The following AKAP13 variants were observed in gnomAD, a reference collection of about 807,000 sequenced individuals.
AKAP13 encodes the protein A-kinase anchor protein 13.
In AKAP13, 80 loss-of-function variants were observed where a neutral mutation model predicts 264.5. The observed-to-expected ratio is 0.30, with a 90% CI of 0.25 to 0.36. AKAP13 has a LOEUF of 0.36. AKAP13 is among the 10% of genes least tolerant of loss of function. The pLI is 1.00. For missense variants in AKAP13, 3,712 were observed against 3,435.2 expected (o/e 1.08, Z -2.01); for synonymous variants, 1,380 against 1,250.2 (o/e 1.10, Z -2.19).
intron 1 of AKAP13, among the ~76,000 whole-genome samples, chr15:85,444,253 T>C (rs552439539): frequency 6.6e-6 from 1 of 152,284 alleles, no homozygotes; most frequent in South Asian, 2.1e-4. Flanking sequence ...GGTTCAACAT[T>C]TAGAACTCAG....
intron 8 of AKAP13, among the ~76,000 whole-genome samples, chr15:85,628,407 A>G (rs919948910): frequency 5.9e-5 from 9 of 152,224 alleles, no homozygotes; most frequent in Admixed American, 1.3e-4. Context: ...GCCTTCTGCT[A>G]GATTTCCCAA....
At chr15:85,628,958 C>T (rs1469951227) in intron 8 of AKAP13, among the ~76,000 whole-genome samples, 2 of 151,956 alleles carry the variant, frequency 1.3e-5, no homozygotes, top group Non-Finnish European at 2.9e-5. Context: ...TTTGGGAAGC[C>T]GAGGTGGGAG....
chr15:85,651,351 G>C (rs934728533), intron 10 of AKAP13, among the ~76,000 whole-genome samples: 1 of 152,040 alleles, frequency 6.6e-6, no homozygotes, highest in Non-Finnish European at 1.5e-5. Flanking sequence ...CCATCCTTCT[G>C]TCCACCCAGT....
chr15:85,587,259 T>A (rs2079399783), intron 8 of AKAP13, among the ~76,000 whole-genome samples: 1 of 152,240 alleles, frequency 6.6e-6, no homozygotes, highest in Non-Finnish European at 1.5e-5. Flanking sequence ...CTGTAGATAG[T>A]ACGTAAACTG....
rs749598492 is a variant in AKAP13, at chr15:85,669,814, C to T, written c.5085C>T (p.Ser1695=). Residue 1695 remains serine, a synonymous_variant, in exon 14 of 37, where the codon AGC becomes AGT. Coordinates refer to ENST00000394518, the MANE Select transcript of AKAP13 (RefSeq NM_007200.5). ...LTKSISLMTI[S]HPGLDNSRPF... is the part of the protein sequence containing the mutation. ...AATCCATCTCATTAATGACAATCAG[C>T]CATCCTGGATTGGACAGTGAGTATA... is the stretch of plus-strand genomic sequence containing the variant. The T allele has an allele frequency of 6.2e-7, 1 of 1,608,668 alleles. No individual in the cohort carries two copies. The highest frequency in any genetic ancestry group is 2.2e-5 in the East Asian group (1 of 44,818).
intron 16 of AKAP13, among the ~76,000 whole-genome samples, chr15:85,691,402 G>A (rs1204936812): frequency 6.6e-6 from 1 of 152,148 alleles, no homozygotes; most frequent in Non-Finnish European, 1.5e-5. Context: ...CACCTGAAAT[G>A]TCCCTGACTG....
intron 2 of AKAP13, among the ~76,000 whole-genome samples, chr15:85,501,096 C>A (rs2076026456): frequency 6.6e-6 from 1 of 152,174 alleles, no homozygotes; most frequent in African/African-American, 2.4e-5. Context: ...TGATCTTCAC[C>A]TACCATCACT....
At position 85,718,143 on chromosome 15, in the gene AKAP13, G is replaced by A. The variant is rs142342643; in HGVS notation, c.5985G>A (p.Arg1995=). 2.3e-4 allele frequency: 374 copies of A among 1,614,068 alleles called. 2 individuals carry two copies. In the African/African-American group the frequency reaches 4.1e-3, roughly 18 times the overall value. The change falls in exon 22 of 37, where the codon CGG becomes CGA. Residue 1995 remains arginine, a synonymous_variant. Coordinates refer to ENST00000394518, the MANE Select transcript of AKAP13 (RefSeq NM_007200.5). This position sits in a 1 kb window ranked among gnomAD's most constrained non-coding sequence, Gnocchi z 4.9. ...LKQQKKDVVK[R]QEVIYELMQT... ...AGCAAAAGAAAGATGTGGTCAAACG[G>A]CAAGAAGTAATATATGGTGAGAGTC...
chr15:85,424,586 T>C (rs1366517873), intron 1 of AKAP13, among the ~76,000 whole-genome samples: 1 of 152,232 alleles, frequency 6.6e-6, no homozygotes, highest in Non-Finnish European at 1.5e-5. Flanking sequence ...AATTTGTTAA[T>C]AGTAATAAGG....
intron 8 of AKAP13, among the ~76,000 whole-genome samples, chr15:85,597,658 T>C (rs2079877739): frequency 1.3e-5 from 2 of 152,186 alleles, no homozygotes; most frequent in African/African-American, 4.8e-5. Context: ...ATACAGATAC[T>C]TGGAGGCTTG....
At chr15:85,402,823 G>A (rs1211255214) in intron 1 of AKAP13, among the ~76,000 whole-genome samples, 1 of 152,196 alleles carries the variant, frequency 6.6e-6, no homozygotes, top group Non-Finnish European at 1.5e-5. Context: ...AGCCAGAAGT[G>A]CAAGAGCTGG....
At chr15:85,402,454 G>A (rs906705759) in intron 1 of AKAP13, among the ~76,000 whole-genome samples, 1 of 152,150 alleles carries the variant, frequency 6.6e-6, no homozygotes, top group Non-Finnish European at 1.5e-5. Context: ...AATTTTACTG[G>A]CTGAATCATG....
intron 8 of AKAP13, among the ~76,000 whole-genome samples, chr15:85,629,909 A>G (rs2081625238): frequency 6.6e-6 from 1 of 150,934 alleles, no homozygotes. Context: ...CCTCCTGAGT[A>G]GCTGGGATTA....
At chr15:85,572,719 T>G (rs1006768737) in intron 5 of AKAP13, among the ~76,000 whole-genome samples, 1 of 152,100 alleles carries the variant, frequency 6.6e-6, no homozygotes, top group Non-Finnish European at 1.5e-5. Context: ...GTGTAGAACG[T>G]GCAGGTTTAT....
At chr15:85,631,631 A>G (rs938763051) in intron 8 of AKAP13, among the ~76,000 whole-genome samples, 2 of 152,108 alleles carry the variant, frequency 1.3e-5, no homozygotes, top group Non-Finnish European at 2.9e-5. Flanking sequence ...AAATCCAAAT[A>G]AAGTCCGGAG....
chr15:85,581,678 C>T lies in AKAP13; in HGVS notation c.3610C>T (p.His1204Tyr). 1 of 1,614,110 alleles carries T rather than the reference C, an allele frequency of 6.2e-7. No homozygotes were observed. Among genetic ancestry groups the T allele is most frequent in the Middle Eastern group, 1.6e-4 (1 of 6,062 alleles). The change falls in exon 7 of 37, where the codon CAT (histidine) becomes TAT (tyrosine). Residue 1204 changes from histidine (H) to tyrosine (Y), a missense_variant. Physicochemically the swap from His to Tyr is moderately conservative, Grantham distance 83. Coordinates refer to ENST00000394518, the MANE Select transcript of AKAP13 (RefSeq NM_007200.5). Reference sequence around the variant, plus strand: ...CCCCACAGACATGGAGCTCTCAGCCCATGATGATGGGGCCCCAGCTGGTGT... The same window carrying T: ...CCCCACAGACATGGAGCTCTCAGCCTATGATGATGGGGCCCCAGCTGGTGT... ...ELPTDMELSA[H>Y]DDGAPAGVRE...
chr15:85,631,500 T>TCACACACACACACACA (rs1189326372), intron 8 of AKAP13, among the ~76,000 whole-genome samples: 1 of 80,160 alleles, frequency 1.2e-5, no homozygotes, highest in African/African-American at 4.3e-5. Flanking sequence ...TCTCTCTCTC[T>TCACACACACACACACA]CTCACACACA....
chr15:85,540,290 T>A lies in AKAP13; in HGVS notation c.479-3482T>A, dbSNP rs1182104282. On this transcript the variant is annotated intron_variant, in intron 4 of 36. Coordinates refer to ENST00000394518, the MANE Select transcript of AKAP13 (RefSeq NM_007200.5). Reference sequence around the variant, plus strand: ...TGGAATCCCTTCTCTCCAGGGGAAATCTAAGACCTGCTTTCAGAGCCTTCC... The same window carrying A: ...TGGAATCCCTTCTCTCCAGGGGAAAACTAAGACCTGCTTTCAGAGCCTTCC... Among the ~76,000 whole-genome samples the A allele has an allele frequency of 5.3e-5, 8 of 152,138 alleles. No individual in the cohort carries two copies. In the South Asian group the frequency reaches 1.4e-3, roughly 28 times the overall value.
intron 19 of AKAP13, among the ~76,000 whole-genome samples, chr15:85,712,122 C>G (rs184614715): frequency 1.3e-5 from 2 of 152,304 alleles, no homozygotes; most frequent in East Asian, 1.9e-4. Flanking sequence ...GCATGAGCCA[C>G]CGCACCCAGC....
Sources: allele counts gnomAD v4.1 joint callset (sites outside exome capture counted in the v4.1 genomes callset), GRCh38; gene constraint gnomAD v4.1.1; non-coding constraint Gnocchi (gnomAD v3.1); transcripts MANE v1.5; gene names NCBI Gene and HGNC (gene_info 2026-07-23, HGNC 2026-07-21).